The following TENM2 variants were observed in gnomAD, a reference collection of about 807,000 sequenced individuals.
TENM2 encodes the protein teneurin-2.
TENM2 carries 52 observed loss-of-function variants against 245.2 expected under a neutral mutation model. The observed-to-expected ratio is 0.21, with a 90% CI of 0.17 to 0.27. The LOEUF (loss-of-function observed/expected upper bound fraction) is 0.27, where lower values mean the gene tolerates loss of function less well. Ranked by LOEUF, TENM2 falls within the 10% of genes least tolerant of loss-of-function variation. TENM2 has a pLI of 1.00. For synonymous variants in TENM2, 1,363 were observed against 1,438.9 expected, an observed-to-expected ratio of 0.95 and a Z score of 1.19; for missense variants, 3,046 against 3,666.8, an observed-to-expected ratio of 0.83 and a Z score of 4.37.
the TENM2 span, among the ~76,000 whole-genome samples, chr5:167,201,454 A>G: frequency 6.6e-6 from 1 of 152,234 alleles, no homozygotes; most frequent in Non-Finnish European, 1.5e-5. Context: ...ATTCATAAAT[A>G]TTAAATGTAA....
intron 2 of TENM2, among the ~76,000 whole-genome samples, chr5:167,389,704 A>T (rs1761647038): frequency 6.6e-6 from 1 of 152,208 alleles, no homozygotes; most frequent in Non-Finnish European, 1.5e-5. Flanking sequence ...CAGTTATGTG[A>T]AATTGCAATC....
At chr5:167,426,391 C>T (rs985552846) in intron 2 of TENM2, among the ~76,000 whole-genome samples, 1 of 151,970 alleles carries the variant, frequency 6.6e-6, no homozygotes, top group African/African-American at 2.4e-5. Context: ...GGCTACCCCT[C>T]TTGGGTTTGT....
intron 2 of TENM2, among the ~76,000 whole-genome samples, chr5:167,861,418 A>G (rs1583213664): frequency 6.6e-6 from 1 of 152,216 alleles, no homozygotes; most frequent in East Asian, 1.9e-4. Flanking sequence ...TGGAAATGAC[A>G]AACGTCTACA....
chr5:168,185,946 A>AC (rs1760372536), intron 13 of TENM2, among the ~76,000 whole-genome samples: 1 of 4,694 alleles, frequency 2.1e-4, no homozygotes, highest in Non-Finnish European at 4.0e-4. Context: ...ATATATATAT[A>AC]TATATATATA....
intron 12 of TENM2, among the ~76,000 whole-genome samples, chr5:168,143,720 C>G (rs1168014420): frequency 6.6e-6 from 1 of 152,066 alleles, no homozygotes; most frequent in African/African-American, 2.4e-5. Flanking sequence ...GTTTCACATA[C>G]CGGAAGTGTA....
chr5:167,160,340 T>C, the TENM2 span, among the ~76,000 whole-genome samples: 1 of 152,230 alleles, frequency 6.6e-6, no homozygotes, highest in Non-Finnish European at 1.5e-5. Context: ...CCAGTGTTGC[T>C]GCTTTCAATG....
intron 3 of TENM2, chr5:167,952,268 C>A: frequency 2.2e-6 from 1 of 451,836 alleles, no homozygotes; most frequent in Non-Finnish European, 4.0e-6. Context: ...AGCGATCAGC[C>A]TTGAATGTCA....
chr5:167,001,836 T>A, the TENM2 span, among the ~76,000 whole-genome samples: 1 of 152,284 alleles, frequency 6.6e-6, no homozygotes, highest in African/African-American at 2.4e-5. Flanking sequence ...CCCTCTCTTT[T>A]TTTTTAATGT....
At chr5:167,872,329 AGAAAGAAAGAAAGAAAGAAAGAAAG>A (rs1267561004) in intron 2 of TENM2, among the ~76,000 whole-genome samples, 1 of 124,594 alleles carries the variant, frequency 8.0e-6, no homozygotes, top group Non-Finnish European at 1.8e-5. Context: ...AAAGAAAGAA[AGAAAGAAAGAAAGAAAGAAAGAAAG>A]GAAAGAGAAG....
chr5:167,792,580 G>T (rs1241619794), intron 2 of TENM2, among the ~76,000 whole-genome samples: 1 of 151,942 alleles, frequency 6.6e-6, no homozygotes, highest in East Asian at 2.0e-4. Flanking sequence ...TAGCTCCTCG[G>T]GAGCCACAAA....
chr5:167,707,207 C>T (rs917512898), intron 2 of TENM2, among the ~76,000 whole-genome samples: 2 of 151,856 alleles, frequency 1.3e-5, no homozygotes, highest in African/African-American at 4.8e-5. Context: ...ATTTGTATGT[C>T]TTCTTTGGAG....
chr5:168,235,854 G>A lies in TENM2; in HGVS notation c.5520+7724G>A, dbSNP rs77537094. On this transcript the variant is annotated intron_variant, in intron 25 of 28. Transcript: ENST00000518659. ...GATGGGTGCTTTGGGAAAAATGTACGGTGGAGCTAATACGGAATATATGAT... is the reference window on the plus strand; with the variant it reads ...GATGGGTGCTTTGGGAAAAATGTACAGTGGAGCTAATACGGAATATATGAT... Among the ~76,000 whole-genome samples, 975 of 152,042 alleles carry A rather than the reference G, an allele frequency of 6.4e-3. 7 individuals carry two copies. The highest frequency in any genetic ancestry group is 0.022 in the African/African-American group (915 of 41,450).
At chr5:167,104,992 A>G in the TENM2 span, among the ~76,000 whole-genome samples, 1 of 152,390 alleles carries the variant, frequency 6.6e-6, no homozygotes, top group Middle Eastern at 3.4e-3. Context: ...TAGTCTCCAG[A>G]ATGAAATAAG....
At chr5:167,835,972 T>C (rs1234244349) in intron 2 of TENM2, among the ~76,000 whole-genome samples, 6 of 152,186 alleles carry the variant, frequency 3.9e-5, no homozygotes, top group Admixed American at 3.3e-4. Context: ...TTTTTTAAAA[T>C]ACACATCCAC....
chr5:167,354,953 A>T (rs1384038955), intron 1 of TENM2, among the ~76,000 whole-genome samples: 2 of 152,214 alleles, frequency 1.3e-5, no homozygotes, highest in Non-Finnish European at 2.9e-5. Flanking sequence ...TCTCTAAATG[A>T]CAAAGAAATA....
intron 3 of TENM2, among the ~76,000 whole-genome samples, chr5:167,939,917 A>G (rs1450784535): frequency 6.6e-6 from 1 of 152,286 alleles, no homozygotes; most frequent in East Asian, 1.9e-4. Flanking sequence ...AGAAAGAGCC[A>G]CAGGAGATCC....
intron 1 of TENM2, among the ~76,000 whole-genome samples, chr5:167,373,780 T>G (rs1760581705): frequency 6.6e-6 from 1 of 152,194 alleles, no homozygotes; most frequent in Admixed American, 6.5e-5. Context: ...GACATGGTGT[T>G]TAACCTCTCT....
the TENM2 span, among the ~76,000 whole-genome samples, chr5:167,274,722 T>C: frequency 1.3e-5 from 2 of 151,964 alleles, no homozygotes; most frequent in African/African-American, 2.4e-5. Flanking sequence ...TAGTAATGTG[T>C]CATTGTGGAA....
At chr5:167,773,612 T>C (rs1357393143) in intron 2 of TENM2, among the ~76,000 whole-genome samples, 1 of 152,176 alleles carries the variant, frequency 6.6e-6, no homozygotes, top group Admixed American at 6.5e-5. Flanking sequence ...CTTGTTGTTC[T>C]TTCCTGTCCT....
Sources: allele counts gnomAD v4.1 joint callset (sites outside exome capture counted in the v4.1 genomes callset), GRCh38; gene constraint gnomAD v4.1.1; transcripts MANE v1.5; gene names NCBI Gene and HGNC (gene_info 2026-07-23, HGNC 2026-07-21).